The following NEXMIF variants were observed in gnomAD, a reference collection of about 807,000 sequenced individuals.
The protein encoded by NEXMIF is neurite extension and migration factor, also known as XLMR protein related to neurite extension.
Under a neutral mutation model 62.1 loss-of-function variants are expected in NEXMIF, and 8 were observed. The ratio of observed to expected loss-of-function variants is 0.13; its 90% CI spans 0.08 to 0.23. The LOEUF is 0.23. Ranked by LOEUF, NEXMIF falls within the 10% of genes least tolerant of loss-of-function variation. The pLI is 1.00. For missense variants in NEXMIF, 976 were observed against 1,113.3 expected (o/e 0.88, Z 1.75); for synonymous variants, 404 against 416.6 (o/e 0.97, Z 0.37).
In NEXMIF at chrX:74,734,147, G is replaced by A. The variant is rs771612916; in HGVS notation, c.*5258C>T. ...ACATTTTTAAGTTGCAGTGTCATAT[G>A]TCAAACAGAAACTTAGGTTACATTC... On this transcript the variant is annotated 3_prime_UTR_variant, in exon 4 of 4. Coordinates refer to ENST00000055682, the MANE Select transcript of NEXMIF (RefSeq NM_001008537.3). 4 of 112,158 alleles carry A rather than the reference G, an allele frequency of 3.6e-5. No homozygotes were observed. The South Asian group carries it at 1.5e-3, about 42-fold the overall frequency. The allele number at this position is 112,158 out of a possible 1,213,427, so 9.2% of individuals were successfully genotyped here.
rs186006747 is a variant in NEXMIF, at chrX:74,811,772, A to G, written c.-47-66075T>C. ...AGGAAACCAGTTGCATCATAAAACT[A>G]GGTTCCCCCTTTCTGGGCTCCCTAC... On this transcript the variant is annotated intron_variant, in intron 1 of 3. Transcript: ENST00000055682. Among the ~76,000 whole-genome samples the G allele has an allele frequency of 7.1e-5, 8 of 112,752 alleles. No individual in the cohort carries two copies. In the East Asian group the frequency reaches 2.2e-3, roughly 31 times the overall value.
At chrX:74,790,874 G>C (rs866779007) in intron 1 of NEXMIF, among the ~76,000 whole-genome samples, 1 of 91,641 alleles carries the variant, frequency 1.1e-5, no homozygotes, top group Non-Finnish European at 2.2e-5. Context: ...AGGAGATTTT[G>C]GGCTGAGACA....
At position 74,744,291 on chromosome X, in the gene NEXMIF, T is replaced by C. The variant is rs1369064640; in HGVS notation, c.266A>G (p.His89Arg). ...SPLGLIEAPE[H>R]AANSASVNAI... ...ATTCACAGAAGCACTATTAGCAGCA[T>C]GTTCGGGTGCTTCAATCAGGCCCAA... The change falls in exon 3 of 4, where the codon CAT (histidine) becomes CGT (arginine). Residue 89 changes from histidine to arginine, a missense_variant. His to Arg is a conservative substitution (Grantham distance 29). Around this residue, in one of 5 missense-constraint regions of NEXMIF, gnomAD observed 126 missense variants for 146.5 expected, o/e 0.86. Coordinates refer to ENST00000055682, the MANE Select transcript of NEXMIF (RefSeq NM_001008537.3). The C allele has an allele frequency of 8.3e-7, 1 of 1,209,337 alleles. No homozygotes were observed. The highest frequency in any genetic ancestry group is 1.1e-6 in the Non-Finnish European group (1 of 894,959).
chrX:74,917,732 A>G, intron 1 of NEXMIF, among the ~76,000 whole-genome samples: 1 of 111,691 alleles, frequency 9.0e-6, no homozygotes, highest in Non-Finnish European at 1.9e-5. Flanking sequence ...AACCTTGGCT[A>G]AGAGAAATAT....
chrX:74,908,037 A>G (rs1168441403), intron 1 of NEXMIF, among the ~76,000 whole-genome samples: 8 of 110,907 alleles, frequency 7.2e-5, no homozygotes, highest in African/African-American at 2.6e-4. Flanking sequence ...ACCTTATACC[A>G]TGTGACACCT....
In NEXMIF at chrX:74,770,498, T is replaced by C. The variant is rs189316659; in HGVS notation, c.-47-24801A>G. Among the ~76,000 whole-genome samples the C allele has an allele frequency of 2.7e-3, 308 of 112,440 alleles. 1 individual carries two copies. The highest frequency in any genetic ancestry group is 5.2e-3 in the Non-Finnish European group (275 of 53,285). ...ATTGATATATATGTTCAGTGCCTAC[T>C]TATATTTTTGAAATTAGATTTTTCA... On this transcript the variant is annotated intron_variant, in intron 1 of 3. Transcript: ENST00000055682.
intron 1 of NEXMIF, among the ~76,000 whole-genome samples, chrX:74,878,524 A>G (rs1477380890): frequency 8.9e-6 from 1 of 112,646 alleles, no homozygotes; most frequent in African/African-American, 3.2e-5. Flanking sequence ...CACCCAGTTC[A>G]AGCTTCCTGG....
intron 1 of NEXMIF, among the ~76,000 whole-genome samples, chrX:74,749,285 G>A (rs985333744): frequency 3.6e-5 from 4 of 110,726 alleles, no homozygotes; most frequent in African/African-American, 6.6e-5. Context: ...GAAGTTCAGC[G>A]GAGAGAAAAG....
chrX:74,908,254 TGA>T (rs1247324513), intron 1 of NEXMIF, among the ~76,000 whole-genome samples: 2 of 112,125 alleles, frequency 1.8e-5, no homozygotes, highest in Non-Finnish European at 3.8e-5. Flanking sequence ...AAGTGTAATC[TGA>T]GAGTGCTCTT....
At chrX:74,878,259 G>C (rs1375088095) in intron 1 of NEXMIF, among the ~76,000 whole-genome samples, 3 of 111,743 alleles carry the variant, frequency 2.7e-5, no homozygotes, top group Non-Finnish European at 5.6e-5. Context: ...TGTGAGGTAT[G>C]AGTCTGCCCC....
intron 1 of NEXMIF, among the ~76,000 whole-genome samples, chrX:74,865,359 C>T (rs2080574579): frequency 9.0e-6 from 1 of 111,567 alleles, no homozygotes; most frequent in Non-Finnish European, 1.9e-5. Flanking sequence ...TTGGCTCCTG[C>T]CCTAGAGATC....
intron 1 of NEXMIF, among the ~76,000 whole-genome samples, chrX:74,758,907 G>A (rs779600106): frequency 1.8e-5 from 2 of 112,137 alleles, no homozygotes; most frequent in Non-Finnish European, 3.8e-5. Context: ...ATATTCCTTT[G>A]CATATATACC....
intron 1 of NEXMIF, among the ~76,000 whole-genome samples, chrX:74,796,209 T>G (rs370043852): frequency 2.1e-5 from 1 of 46,615 alleles, no homozygotes; most frequent in Non-Finnish European, 3.9e-5. Context: ...TACATATATA[T>G]TATATATATA....
intron 1 of NEXMIF, among the ~76,000 whole-genome samples, chrX:74,924,573 G>A (rs930312426): frequency 8.8e-6 from 1 of 113,423 alleles, no homozygotes; most frequent in Non-Finnish European, 1.9e-5. Context: ...AGCTGCGTGC[G>A]TGTAAGCGCG....
At chrX:74,906,247 T>C (rs1027365656) in intron 1 of NEXMIF, among the ~76,000 whole-genome samples, 2 of 107,886 alleles carry the variant, frequency 1.9e-5, no homozygotes, top group Non-Finnish European at 3.8e-5. Flanking sequence ...TACTCCAGCT[T>C]GGGTGACAGA....
intron 1 of NEXMIF, chrX:74,769,558 T>C: frequency 2.5e-6 from 1 of 404,662 alleles, no homozygotes; most frequent in Non-Finnish European, 4.4e-6. Context: ...GCACTGGCTC[T>C]GCCAGCGCTG....
At position 74,885,742 on chromosome X, in the gene NEXMIF, A is replaced by C. The variant is rs1450246776; in HGVS notation, c.-48+39141T>G. Among the ~76,000 whole-genome samples, 23 of 111,600 alleles carry C rather than the reference A, an allele frequency of 2.1e-4. 1 individual carries two copies. Among genetic ancestry groups the C allele is most frequent in the African/African-American group, 3.3e-4 (10 of 30,701 alleles). ...GTACAAGGAGGAGCTGGTACCATTC[A>C]TTCTGAAACTATTCCAATCAATAGA... On this transcript the variant is annotated intron_variant, in intron 1 of 3. Coordinates refer to ENST00000055682, the MANE Select transcript of NEXMIF (RefSeq NM_001008537.3).
intron 1 of NEXMIF, among the ~76,000 whole-genome samples, chrX:74,873,702 G>A (rs1602259106): frequency 8.9e-6 from 1 of 111,743 alleles, no homozygotes; most frequent in Non-Finnish European, 1.9e-5. Flanking sequence ...GTGAGATGGT[G>A]ATCTCATTGT....
At chrX:74,783,262 A>G (rs1162360194) in intron 1 of NEXMIF, among the ~76,000 whole-genome samples, 1 of 111,620 alleles carries the variant, frequency 9.0e-6, no homozygotes, top group East Asian at 2.8e-4. Context: ...AAAGTATAGA[A>G]TGTGATACAA....
Sources: allele counts gnomAD v4.1 joint callset (sites outside exome capture counted in the v4.1 genomes callset), GRCh38; gene constraint gnomAD v4.1.1; regional missense constraint gnomAD v4.1.1; transcripts MANE v1.5; gene names NCBI Gene and HGNC (gene_info 2026-07-23, HGNC 2026-07-21).